The following POLA2 variants were observed in gnomAD, a reference collection of about 807,000 sequenced individuals.
POLA2 encodes the protein DNA polymerase alpha 2, accessory subunit, also known as DNA polymerase alpha subunit B.
Under a neutral mutation model 82.8 loss-of-function variants are expected in POLA2, and 47 were observed. The ratio of observed to expected loss-of-function variants is 0.57; its 90% CI spans 0.45 to 0.72. The LOEUF is 0.72. POLA2 is among the 30% of genes least tolerant of loss of function. The pLI is 0.00. For missense variants in POLA2, 634 were observed against 728.1 expected, an observed-to-expected ratio of 0.87 and a Z score of 1.49; for synonymous variants, 287 against 286.8, an observed-to-expected ratio of 1.00 and a Z score of -0.01.
At chr11:65,296,058 C>G in intron 17 of POLA2, 68 bp downstream of exon 17, 1 of 1,579,332 alleles carries the variant, frequency 6.3e-7, no homozygotes, top group Admixed American at 1.7e-5. Flanking sequence ...TTCTAGACCA[C>G]CCGGCACTCA....
intron 12 of POLA2, 63 bp downstream of exon 12, chr11:65,289,151 AT>A (rs1565487842): frequency 7.4e-7 from 1 of 1,344,308 alleles, no homozygotes; most frequent in Non-Finnish European, 1.1e-6. Flanking sequence ...CTCACTTTTC[AT>A]TTTTTAGTGT....
intron 5 of POLA2, among the ~76,000 whole-genome samples, chr11:65,277,882 G>T (rs545572436): frequency 6.6e-6 from 1 of 152,326 alleles, no homozygotes; most frequent in East Asian, 1.9e-4. Context: ...TCACGTAGAG[G>T]TGGCACTGGA....
At chr11:65,290,493 A>G (rs1180905148) in intron 13 of POLA2, among the ~76,000 whole-genome samples, 1 of 151,990 alleles carries the variant, frequency 6.6e-6, no homozygotes, top group African/African-American at 2.4e-5. Flanking sequence ...CCGAGACCAC[A>G]CCATTGCACT....
At chr11:65,273,338 A>G (rs557410293) in intron 4 of POLA2, among the ~76,000 whole-genome samples, 106 of 152,290 alleles carry the variant, frequency 7.0e-4, no homozygotes, top group African/African-American at 2.5e-3. Context: ...ACAACAACAA[A>G]AAAACATGAT....
intron 11 of POLA2, among the ~76,000 whole-genome samples, chr11:65,288,815 T>C (rs1158309955): frequency 3.3e-5 from 5 of 152,236 alleles, no homozygotes; most frequent in South Asian, 4.1e-4. Flanking sequence ...CCCAGTGTTA[T>C]AGTGGTTATG....
chr11:65,270,324 A>G (rs1329847014), intron 4 of POLA2, among the ~76,000 whole-genome samples: 1 of 152,186 alleles, frequency 6.6e-6, no homozygotes, highest in Non-Finnish European at 1.5e-5. Context: ...CCGCTGCTCT[A>G]CAGCCTGGAT....
intron 17 of POLA2, 85 bp from the exon 18 acceptor site, chr11:65,297,035 C>T: frequency 7.0e-7 from 1 of 1,421,970 alleles, no homozygotes; most frequent in Non-Finnish European, 9.8e-7. Flanking sequence ...CTTTGGGGTC[C>T]AGCCATGTGA....
At chr11:65,285,596 AG>A (rs1234072766) in intron 10 of POLA2, among the ~76,000 whole-genome samples, 45 of 151,682 alleles carry the variant, frequency 3.0e-4, no homozygotes, top group East Asian at 1.3e-3. Flanking sequence ...AAAAAGAAAA[AG>A]AAAAAAAAGA....
At chr11:65,303,323 C>T (rs1313029030), downstream of POLA2, among the ~76,000 whole-genome samples, 4 of 133,856 alleles carry the variant, frequency 3.0e-5, no homozygotes, top group East Asian at 4.4e-4. Context: ...GCCTGGGCAA[C>T]GGAGTGAGAC....
chr11:65,275,871 G>A (rs1337627999), intron 4 of POLA2, 21 bp from the exon 5 acceptor site: 1 of 1,438,914 alleles, frequency 6.9e-7, no homozygotes, highest in Non-Finnish European at 9.8e-7. Context: ...CTGAGATTTT[G>A]TTTTCCTTTT....
In POLA2 at chr11:65,266,626, G is replaced by A. The variant is rs1360795179; in HGVS notation, c.124G>A (p.Val42Ile). The change falls in exon 2 of 18, where the codon GTA becomes ATA. Residue 42 changes from valine to isoleucine, a missense_variant. Coordinates refer to ENST00000265465, the MANE Select transcript of POLA2 (RefSeq NM_002689.4). ...GTATGGACAGAATGAGGAGGGAATG[G>A]TAGGCGAGCTTATAGCCTTCTGCAC... ...VQYGQNEEGM[V>I]GELIAFCTST... 1 of 1,614,058 alleles carries A rather than the reference G, an allele frequency of 6.2e-7. No homozygotes were observed. Among genetic ancestry groups the A allele is most frequent in the Non-Finnish European group, 8.5e-7 (1 of 1,179,882 alleles).
chr11:65,287,979 GTATA>G, intron 11 of POLA2, 139 bp downstream of exon 11: 1 of 940,848 alleles, frequency 1.1e-6, no homozygotes, highest in Non-Finnish European at 1.5e-6. Context: ...CTTTGGAGAG[GTATA>G]TATATCTATG....
chr11:65,264,833 A>AT (rs748579543), intron 1 of POLA2, among the ~76,000 whole-genome samples: 1 of 152,156 alleles, frequency 6.6e-6, no homozygotes, highest in Non-Finnish European at 1.5e-5. Context: ...TTGCTACAAG[A>AT]TTTTTTTCCT....
intron 1 of POLA2, among the ~76,000 whole-genome samples, chr11:65,265,830 G>A (rs1949454118): frequency 6.6e-6 from 1 of 152,164 alleles, no homozygotes; most frequent in Non-Finnish European, 1.5e-5. Context: ...AGGCTTTGCC[G>A]ATTCATCCTC....
intron 1 of POLA2, among the ~76,000 whole-genome samples, chr11:65,266,292 C>T (rs894068061): frequency 6.6e-6 from 1 of 152,318 alleles, no homozygotes; most frequent in Non-Finnish European, 1.5e-5. Context: ...CACTTCTCGC[C>T]ATCTCCACTG....
At chr11:65,305,768 G>A (rs79925175), downstream of POLA2, among the ~76,000 whole-genome samples, 48 of 152,284 alleles carry the variant, frequency 3.2e-4, 1 homozygote, top group East Asian at 9.1e-3. Flanking sequence ...CCGCAGCAGC[G>A]CTCGTGCATG....
intron 4 of POLA2, among the ~76,000 whole-genome samples, chr11:65,270,120 C>T (rs1371559733): frequency 1.3e-5 from 2 of 152,274 alleles, no homozygotes; most frequent in East Asian, 1.9e-4. Flanking sequence ...TGTGAGCCAC[C>T]GTGCCCAGCC....
intron 4 of POLA2, among the ~76,000 whole-genome samples, chr11:65,271,834 G>A (rs1436785286): frequency 2.4e-5 from 3 of 125,988 alleles, no homozygotes; most frequent in Admixed American, 8.5e-5. Context: ...ACCAGACTCC[G>A]TCTGAAAAAA....
chr11:65,284,402 A>T (rs1211551254), intron 10 of POLA2, among the ~76,000 whole-genome samples: 1 of 152,096 alleles, frequency 6.6e-6, no homozygotes, highest in Non-Finnish European at 1.5e-5. Flanking sequence ...GGATTGCTTG[A>T]GCCCAGGAAG....
Sources: allele counts gnomAD v4.1 joint callset (sites outside exome capture counted in the v4.1 genomes callset), GRCh38; gene constraint gnomAD v4.1.1; transcripts MANE v1.5; gene names NCBI Gene and HGNC (gene_info 2026-07-23, HGNC 2026-07-21).